Variants in CADPS2 observed in about 807,000 individuals in gnomAD.
The protein encoded by CADPS2 is calcium dependent secretion activator 2.
In CADPS2, 93 loss-of-function variants were observed where a neutral mutation model predicts 172.5. The observed-to-expected ratio is 0.54, with a 90% confidence interval of 0.46 to 0.64. The LOEUF is 0.64. Among genes scored for constraint, CADPS2 ranks in the 30% least tolerant of loss-of-function variants. The pLI is 0.00. For missense variants in CADPS2, 1,420 were observed against 1,565.9 expected (o/e 0.91, Z 1.57); for synonymous variants, 546 against 555.2 (o/e 0.98, Z 0.23).
chr7:122,792,882 T>C (rs1294226996), intron 1 of CADPS2, among the ~76,000 whole-genome samples: 4 of 152,204 alleles, frequency 2.6e-5, no homozygotes, highest in Admixed American at 6.5e-5. Flanking sequence ...TAGTTCAATA[T>C]ATACTGAATA....
intron 6 of CADPS2, among the ~76,000 whole-genome samples, chr7:122,601,344 C>T (rs753720105): frequency 2.0e-5 from 3 of 151,964 alleles, no homozygotes; most frequent in Admixed American, 6.6e-5. Context: ...CACAGACTTG[C>T]TTCAGGTAAA....
At chr7:122,810,351 T>C (rs1348077459) in intron 1 of CADPS2, among the ~76,000 whole-genome samples, 1 of 152,210 alleles carries the variant, frequency 6.6e-6, no homozygotes, top group African/African-American at 2.4e-5. Context: ...GAATTTGTCA[T>C]GGTCTCAGAC....
rs548369733 is a variant in CADPS2 at position 122,407,487 on chromosome 7, A to G, written c.2746+53T>C. 286 of 1,556,352 alleles carry G rather than the reference A, an allele frequency of 1.8e-4. No homozygotes were observed. In the African/African-American group the frequency reaches 3.6e-3, roughly 19 times the overall value. On this transcript the variant is annotated intron_variant, in intron 20 of 29. Coordinates refer to ENST00000449022, the MANE Select transcript of CADPS2 (RefSeq NM_017954.11). ...CACAGTAAAAATACATTCACATTCA[A>G]CATTCTCCCACCCCTCCCCATTTCA...
chr7:122,393,205 T>G lies in CADPS2; in HGVS notation c.2999A>C (p.Tyr1000Ser). 1.9e-6 allele frequency: 3 copies of G among 1,613,566 alleles called. No homozygotes were observed. Among genetic ancestry groups the G allele is most frequent in the South Asian group, 1.1e-5 (1 of 91,052 alleles). Residue 1000 changes from tyrosine (Y) to serine (S), a missense_variant, in exon 22 of 30, where the codon TAT becomes TCT. By Grantham distance (144) the Tyr-to-Ser change is moderately radical. Transcript: ENST00000449022. ...ISTASWMPSL[Y>S]ESTNGSATSE... ...AGTGAGGAATACACACGTGGACTCATATAAAGAAGGCATCCACGAAGCAGT... is the reference window on the plus strand; with the variant it reads ...AGTGAGGAATACACACGTGGACTCAGATAAAGAAGGCATCCACGAAGCAGT...
intron 27 of CADPS2, among the ~76,000 whole-genome samples, chr7:122,358,764 C>T (rs2039751197): frequency 6.6e-6 from 1 of 152,090 alleles, no homozygotes; most frequent in Non-Finnish European, 1.5e-5. Context: ...TATTCACAGG[C>T]ATCAACAATA....
At chr7:122,726,291 A>G (rs2091075241) in intron 2 of CADPS2, among the ~76,000 whole-genome samples, 2 of 152,068 alleles carry the variant, frequency 1.3e-5, no homozygotes, top group Non-Finnish European at 2.9e-5. Flanking sequence ...ACAAAATTAA[A>G]TTTTATAAAC....
At chr7:122,411,818 A>C (rs1189430618) in intron 19 of CADPS2, among the ~76,000 whole-genome samples, 1 of 152,182 alleles carries the variant, frequency 6.6e-6, no homozygotes, top group Non-Finnish European at 1.5e-5. Context: ...CTCTTGAGGG[A>C]CAGACGAATG....
intron 6 of CADPS2, among the ~76,000 whole-genome samples, chr7:122,595,245 G>A (rs1346451553): frequency 6.6e-6 from 1 of 151,414 alleles, no homozygotes; most frequent in African/African-American, 2.4e-5. Flanking sequence ...TTAAAATATA[G>A]GGTTGCAAAC....
chr7:122,701,950 G>C (rs1420496484), intron 2 of CADPS2: 1 of 1,613,548 alleles, frequency 6.2e-7, no homozygotes, highest in South Asian at 1.1e-5. Flanking sequence ...CTACATCTTG[G>C]GGTTTGTATG....
intron 14 of CADPS2, among the ~76,000 whole-genome samples, chr7:122,453,162 T>C (rs2053346962): frequency 6.6e-6 from 1 of 152,144 alleles, no homozygotes; most frequent in African/African-American, 2.4e-5. Context: ...CAAAATAATA[T>C]ATCGACCACA....
At chr7:122,758,446 CA>C (rs1486594156) in intron 1 of CADPS2, among the ~76,000 whole-genome samples, 1 of 152,132 alleles carries the variant, frequency 6.6e-6, no homozygotes, top group Non-Finnish European at 1.5e-5. Context: ...AAAGCAAATG[CA>C]ATCTCACATC....
chr7:122,444,570 C>T (rs998373611), intron 15 of CADPS2, among the ~76,000 whole-genome samples: 9 of 152,106 alleles, frequency 5.9e-5, no homozygotes, highest in South Asian at 2.1e-4. Context: ...TGAATAATGA[C>T]GTTGAGCATC....
At chr7:122,876,440 T>C (rs994878950) in intron 1 of CADPS2, among the ~76,000 whole-genome samples, 2 of 152,162 alleles carry the variant, frequency 1.3e-5, no homozygotes, top group Non-Finnish European at 2.9e-5. Flanking sequence ...CAGATCATTG[T>C]AGCCTTGACC....
At chr7:122,608,154 T>C (rs938251568) in intron 6 of CADPS2, among the ~76,000 whole-genome samples, 5 of 151,072 alleles carry the variant, frequency 3.3e-5, no homozygotes, top group African/African-American at 1.2e-4. Context: ...AGGCGGAGAT[T>C]GCAGTGAGCT....
chr7:122,684,938 T>C (rs2083460741), intron 2 of CADPS2, among the ~76,000 whole-genome samples: 1 of 152,164 alleles, frequency 6.6e-6, no homozygotes, highest in African/African-American at 2.4e-5. Flanking sequence ...AAAACAAACA[T>C]TCTGTTAAAT....
At chr7:122,628,900 C>T (rs942646533) in intron 4 of CADPS2, among the ~76,000 whole-genome samples, 15 of 150,966 alleles carry the variant, frequency 9.9e-5, no homozygotes, top group African/African-American at 3.4e-4. Flanking sequence ...TATGATTTTG[C>T]GGGGAGGAGT....
intron 13 of CADPS2, among the ~76,000 whole-genome samples, chr7:122,472,702 CTA>C (rs1374854138): frequency 6.6e-6 from 1 of 152,090 alleles, no homozygotes; most frequent in African/African-American, 2.4e-5. Flanking sequence ...GATGTTCACT[CTA>C]TGTGTTTGTC....
intron 1 of CADPS2, among the ~76,000 whole-genome samples, chr7:122,841,534 A>G (rs1233239105): frequency 1.3e-5 from 2 of 152,196 alleles, no homozygotes; most frequent in African/African-American, 4.8e-5. Flanking sequence ...TTTTAAAACC[A>G]ACTTATCAAA....
chr7:122,440,571 C>G (rs933085301), intron 16 of CADPS2, among the ~76,000 whole-genome samples: 3 of 152,136 alleles, frequency 2.0e-5, no homozygotes, highest in African/African-American at 7.2e-5. Flanking sequence ...TCATTTTAAT[C>G]ATCAGTTGTA....
Sources: allele counts gnomAD v4.1 joint callset (sites outside exome capture counted in the v4.1 genomes callset), GRCh38; gene constraint gnomAD v4.1.1; transcripts MANE v1.5; gene names NCBI Gene and HGNC (gene_info 2026-07-23, HGNC 2026-07-21).